Variants in GASK1A observed in about 807,000 individuals in gnomAD.
The protein encoded by GASK1A is golgi associated kinase 1A.
Under a neutral mutation model 41.2 loss-of-function variants are expected in GASK1A, and 40 were observed. The ratio of observed to expected loss-of-function variants is 0.97; its 90% CI spans 0.75 to 1.27. The LOEUF (loss-of-function observed/expected upper bound fraction) is 1.27, where lower values mean the gene tolerates loss of function less well. Among genes scored for constraint, GASK1A ranks in the 50% most tolerant of loss-of-function variants. The probability of loss-of-function intolerance (pLI) is 0.00; values close to 1 mark genes in which losing one functional copy is unlikely to be tolerated. For missense variants in GASK1A, 678 were observed against 745.1 expected (o/e 0.91, Z 1.05); for synonymous variants, 316 against 307.1 (o/e 1.03, Z -0.30).
At chr3:43,001,269 C>T (rs1459553856) in intron 1 of GASK1A, among the ~76,000 whole-genome samples, 2 of 151,998 alleles carry the variant, frequency 1.3e-5, no homozygotes, top group African/African-American at 4.8e-5. Context: ...AGGGAAGGAG[C>T]GAAACCCTTC....
At chr3:43,042,897 T>C (rs1028874670) in intron 2 of GASK1A, among the ~76,000 whole-genome samples, 1 of 152,144 alleles carries the variant, frequency 6.6e-6, no homozygotes, top group African/African-American at 2.4e-5. Context: ...CCAGGGAAGA[T>C]GCCATGTATG....
chr3:43,026,993 G>T (rs1199301157), intron 1 of GASK1A, among the ~76,000 whole-genome samples: 1 of 152,152 alleles, frequency 6.6e-6, no homozygotes, highest in Non-Finnish European at 1.5e-5. Flanking sequence ...TAAAGAAAAA[G>T]AAAGAATTCT....
intron 1 of GASK1A, among the ~76,000 whole-genome samples, chr3:43,011,851 G>A (rs1166395232): frequency 1.3e-5 from 2 of 150,036 alleles, no homozygotes; most frequent in Non-Finnish European, 3.0e-5. Flanking sequence ...ACGTTAGGAA[G>A]GGGCTGTGTG....
At chr3:43,006,325 G>A (rs2089435947) in intron 1 of GASK1A, among the ~76,000 whole-genome samples, 1 of 151,836 alleles carries the variant, frequency 6.6e-6, no homozygotes, top group African/African-American at 2.4e-5. Flanking sequence ...CCTCTTTCTT[G>A]GCTTACCTCC....
At chr3:43,025,752 G>A (rs1256352857) in intron 1 of GASK1A, among the ~76,000 whole-genome samples, 1 of 152,204 alleles carries the variant, frequency 6.6e-6, no homozygotes, top group Non-Finnish European at 1.5e-5. Context: ...TCTGAGGGCT[G>A]ATTAGTCACT....
chr3:43,027,333 C>T lies in GASK1A; in HGVS notation c.4-4934C>T, dbSNP rs891413592. ...TTAGAGAGATGGAATCGAATGTATA[C>T]GCTTCCTATTGTACCAATGCGTATG... On this transcript the variant is annotated intron_variant, in intron 1 of 4. Transcript: ENST00000430121. Among the ~76,000 whole-genome samples the T allele has an allele frequency of 8.9e-4, 136 of 152,134 alleles. 1 individual carries two copies. Among genetic ancestry groups the T allele is most frequent in the African/African-American group, 3.1e-3 (127 of 41,424 alleles).
rs369536100 is a variant in GASK1A at position 43,056,422 on chromosome 3, T to C, written c.*36T>C. 6.1e-4 allele frequency: 893 copies of C among 1,458,600 alleles called. No individual in the cohort carries two copies. Among genetic ancestry groups the C allele is most frequent in the Non-Finnish European group, 7.6e-4 (837 of 1,094,368 alleles). 90.4% of individuals were successfully genotyped at this position (1,458,600 alleles called of 1,614,324 possible). ...GCCCTGAGTCAATGAGCATCCATCC[T>C]GATGGCCACATTTTCTTGGGCTCAC... On this transcript the variant is annotated 3_prime_UTR_variant, in exon 5 of 5. Transcript: ENST00000430121.
rs2089275705 is a variant in GASK1A at position 42,980,195 on chromosome 3, T to C, written c.3+550T>C. Among the ~76,000 whole-genome samples, 5 of 152,160 alleles carry C rather than the reference T, an allele frequency of 3.3e-5. No homozygotes were observed. In the South Asian group the frequency reaches 1.0e-3, roughly 32 times the overall value. On this transcript the variant is annotated intron_variant, in intron 1 of 4. Transcript: ENST00000430121. The stretch of plus-strand genomic sequence containing the variant: ...CTCTACCTCCCCGACAGGAGGACTG[T>C]TGGGCAGATGTGGAAGCACTGGTGG...
At chr3:43,047,123 G>A (rs1179275013) in intron 2 of GASK1A, among the ~76,000 whole-genome samples, 1 of 152,226 alleles carries the variant, frequency 6.6e-6, no homozygotes, top group Non-Finnish European at 1.5e-5. Context: ...GGAGCTGTGA[G>A]AAGAGGGCCA....
chr3:43,008,028 ACT>A (rs1156739031), intron 1 of GASK1A, among the ~76,000 whole-genome samples: 2 of 152,064 alleles, frequency 1.3e-5, no homozygotes, highest in Non-Finnish European at 2.9e-5. Flanking sequence ...TGGAGAAACA[ACT>A]CTTATTCTTT....
In GASK1A at chr3:43,032,290, G is replaced by C; in HGVS notation, c.27G>C (p.Leu9=). 2.0e-6 allele frequency: 3 copies of C among 1,528,886 alleles called. No homozygotes were observed. Among genetic ancestry groups the C allele is most frequent in the East Asian group, 5.0e-5 (2 of 40,268 alleles). 94.7% of individuals were successfully genotyped at this position (1,528,886 alleles called of 1,614,324 possible). A position where few individuals can be genotyped will look rare whatever the true frequency, so the allele number is the denominator to read the frequency against. MASWLRRK[L]RGKRRPVIAF... ...AGGCGTCTTGGCTCCGGAGAAAGCT[G>C]CGTGGCAAGAGGCGGCCAGTGATAG... is the stretch of plus-strand genomic sequence containing the variant. Residue 9 remains leucine, a synonymous_variant, in exon 2 of 5, where the codon CTG becomes CTC. Coordinates refer to ENST00000430121, the MANE Select transcript of GASK1A (RefSeq NM_001129908.3).
chr3:43,025,545 T>C (rs1181433525), intron 1 of GASK1A, among the ~76,000 whole-genome samples: 1 of 152,190 alleles, frequency 6.6e-6, no homozygotes, highest in East Asian at 1.9e-4. Context: ...TCCTGGTCCA[T>C]GTCACTCCAA....
intron 1 of GASK1A, among the ~76,000 whole-genome samples, chr3:43,016,708 G>A (rs920368053): frequency 2.6e-5 from 4 of 151,898 alleles, no homozygotes; most frequent in Non-Finnish European, 5.9e-5. Context: ...GCGGCAGTGG[G>A]AAGTCACAGG....
rs780434355 is a variant in GASK1A at position 42,984,560 on chromosome 3, C to G, written c.3+4915C>G. Among the ~76,000 whole-genome samples the G allele has an allele frequency of 2.0e-5, 3 of 152,042 alleles. No individual in the cohort carries two copies. The highest frequency in any genetic ancestry group is 4.4e-5 in the Non-Finnish European group (3 of 68,012). Reference sequence around the variant, plus strand: ...AAGGAGGCTAAGAGTGGAAGGAAAGCAGGATGAGGGCTGATGTGAAGGGTG... The same window carrying G: ...AAGGAGGCTAAGAGTGGAAGGAAAGGAGGATGAGGGCTGATGTGAAGGGTG... On this transcript the variant is annotated intron_variant, in intron 1 of 4. Coordinates refer to ENST00000430121, the MANE Select transcript of GASK1A (RefSeq NM_001129908.3). The surrounding 1 kb of genome is among the most constrained non-coding windows in gnomAD (Gnocchi z 4.2).
chr3:43,010,870 G>A (rs1040147997), intron 1 of GASK1A, among the ~76,000 whole-genome samples: 1 of 152,168 alleles, frequency 6.6e-6, no homozygotes, highest in Non-Finnish European at 1.5e-5. Flanking sequence ...TGGACACATG[G>A]ATGGCTCCTC....
chr3:43,018,380 C>T (rs2089505245), intron 1 of GASK1A, among the ~76,000 whole-genome samples: 1 of 152,194 alleles, frequency 6.6e-6, no homozygotes, highest in Non-Finnish European at 1.5e-5. Flanking sequence ...CTATAGTCAC[C>T]TCACAAGTCA....
intron 2 of GASK1A, among the ~76,000 whole-genome samples, chr3:43,051,267 T>C (rs1001065526): frequency 6.6e-6 from 1 of 152,234 alleles, no homozygotes; most frequent in Non-Finnish European, 1.5e-5. Context: ...CTTTATTGTA[T>C]ATGGCCACTG....
intron 2 of GASK1A, among the ~76,000 whole-genome samples, chr3:43,041,315 G>T: frequency 6.6e-6 from 1 of 152,018 alleles, no homozygotes; most frequent in Non-Finnish European, 1.5e-5. Context: ...CTTCCACAAT[G>T]GTTGAACTAG....
chr3:43,042,581 C>T (rs939608108), intron 2 of GASK1A, among the ~76,000 whole-genome samples: 8 of 152,166 alleles, frequency 5.3e-5, no homozygotes, highest in African/African-American at 1.4e-4. Context: ...ACCATATTTT[C>T]CCCCGTAATT....
Sources: allele counts gnomAD v4.1 joint callset (sites outside exome capture counted in the v4.1 genomes callset), GRCh38; gene constraint gnomAD v4.1.1; non-coding constraint Gnocchi (gnomAD v3.1); transcripts MANE v1.5; gene names NCBI Gene and HGNC (gene_info 2026-07-23, HGNC 2026-07-21).